TMEM114: variants seen among roughly 807,000 people sequenced by gnomAD.
TMEM114 encodes the protein claudin-26.
Under a neutral mutation model 6.2 loss-of-function variants are expected in TMEM114, and 6 were observed. That is an observed-to-expected ratio of 0.97 (90% confidence interval 0.53 to 1.91). The LOEUF (loss-of-function observed/expected upper bound fraction) is 1.91. Among genes scored for constraint, TMEM114 ranks in the 40% most tolerant of loss-of-function variants. TMEM114 has a pLI of 0.01. For synonymous variants in TMEM114, 104 were observed against 73.0 expected, an observed-to-expected ratio of 1.42 and a Z score of -2.16; for missense variants, 218 against 158.3, an observed-to-expected ratio of 1.38 and a Z score of -2.02.
downstream of TMEM114, among the ~76,000 whole-genome samples, chr16:8,537,407 A>G (rs1900391846): frequency 6.6e-6 from 1 of 152,200 alleles, no homozygotes; most frequent in Non-Finnish European, 1.5e-5. Flanking sequence ...AAGCTGAGGC[A>G]GAAGAATGGC....
In TMEM114 at chr16:8,552,508, GCA is replaced by G. The variant is rs1555462391; in HGVS notation, n.213-14684_213-14683del. The stretch of plus-strand genomic sequence containing the variant: ...ACATAGCAGAAATTTGCACAAAACT[GCA>G]CACACACACACACACACACAAAGAT... On this transcript the variant is annotated intron_variant and non_coding_transcript_variant, in intron 2 of 2. Transcript: ENST00000623677. Among the ~76,000 whole-genome samples the G allele has an allele frequency of 2.9e-3, 427 of 146,538 alleles. 1 individual carries two copies. Among genetic ancestry groups the G allele is most frequent in the East Asian group, 8.9e-3 (44 of 4,930 alleles).
chr16:8,543,312 C>T (rs7200780), intron 2 of TMEM114, among the ~76,000 whole-genome samples: 27,694 of 152,078 alleles, frequency 0.18, 2,754 homozygotes, highest in South Asian at 0.33. Flanking sequence ...CCTTGCCCTG[C>T]CCTGCAGAAC....
chr16:8,560,952 A>T (rs148292250), intron 2 of TMEM114, among the ~76,000 whole-genome samples: 1 of 152,340 alleles, frequency 6.6e-6, no homozygotes, highest in African/African-American at 2.4e-5. Flanking sequence ...AGAAGGCAAA[A>T]GACACGTCTT....
At position 8,554,837 on chromosome 16, in the gene TMEM114, G is replaced by A. The variant is rs117147032; in HGVS notation, n.213-17011C>T. Among the ~76,000 whole-genome samples the A allele has an allele frequency of 1.2e-3, 184 of 152,318 alleles. 5 individuals carry two copies. The South Asian group carries it at 0.036, about 30-fold the overall frequency. On this transcript the variant is annotated intron_variant and non_coding_transcript_variant, in intron 2 of 2. Coordinates refer to the TMEM114 transcript ENST00000623677. ...GAGGGTAGGCACTGATGTTAGTGCTGTCTTAAGGATGAGGAAGTTGAGGGA... is the reference window on the plus strand; with the variant it reads ...GAGGGTAGGCACTGATGTTAGTGCTATCTTAAGGATGAGGAAGTTGAGGGA...
At chr16:8,574,569 CT>C (rs1299089986) in intron 2 of TMEM114, among the ~76,000 whole-genome samples, 49 of 143,240 alleles carry the variant, frequency 3.4e-4, no homozygotes, top group African/African-American at 1.2e-3. Context: ...TTCTTTCTTT[CT>C]TTCCTTCCTT....
At chr16:8,568,083 C>A (rs939981048), downstream of TMEM114, among the ~76,000 whole-genome samples, 1 of 152,186 alleles carries the variant, frequency 6.6e-6, no homozygotes, top group South Asian at 2.1e-4. Flanking sequence ...CTGAAGTTTA[C>A]TCCCAGTTGC....
At chr16:8,545,551 G>A (rs1319481065) in intron 2 of TMEM114, among the ~76,000 whole-genome samples, 1 of 152,106 alleles carries the variant, frequency 6.6e-6, no homozygotes, top group African/African-American at 2.4e-5. Context: ...ATATTCATGT[G>A]TATCAGAACC....
intron 2 of TMEM114, among the ~76,000 whole-genome samples, chr16:8,543,849 T>C (rs751140947): frequency 1.3e-5 from 2 of 152,228 alleles, no homozygotes; most frequent in Non-Finnish European, 2.9e-5. Flanking sequence ...ATATTCTCTA[T>C]AGCTACTAGA....
downstream of TMEM114, among the ~76,000 whole-genome samples, chr16:8,535,620 G>A (rs972716161): frequency 2.6e-5 from 4 of 152,156 alleles, no homozygotes; most frequent in African/African-American, 9.7e-5. Flanking sequence ...AAGGAAAAAG[G>A]ATTTCCAAAC....
At chr16:8,575,627 G>A (rs900463402) in intron 2 of TMEM114, among the ~76,000 whole-genome samples, 4 of 152,146 alleles carry the variant, frequency 2.6e-5, no homozygotes, top group African/African-American at 7.2e-5. Context: ...AGGGTCTGTA[G>A]GCAAGTTACT....
the TMEM114 span, among the ~76,000 whole-genome samples, chr16:8,530,019 C>G: frequency 2.0e-5 from 3 of 152,206 alleles, no homozygotes; most frequent in East Asian, 5.8e-4. Flanking sequence ...ATTTTTTCAG[C>G]TGAACTGAAA....
chr16:8,565,635 C>G (rs746942713), downstream of TMEM114, among the ~76,000 whole-genome samples: 1 of 152,202 alleles, frequency 6.6e-6, no homozygotes, highest in Non-Finnish European at 1.5e-5. Flanking sequence ...TCTTTCTCCT[C>G]TCATCTGGCC....
At chr16:8,552,589 T>C (rs9921593) in intron 2 of TMEM114, among the ~76,000 whole-genome samples, 42,944 of 151,732 alleles carry the variant, frequency 0.28, 6,293 homozygotes, top group East Asian at 0.37. Context: ...AGCTTTGATA[T>C]TGCACTGCAG....
downstream of TMEM114, among the ~76,000 whole-genome samples, chr16:8,568,989 T>G (rs1222752801): frequency 2.0e-5 from 3 of 152,194 alleles, no homozygotes; most frequent in African/African-American, 7.2e-5. Flanking sequence ...TGGAAGCCAC[T>G]TAGAAATGTG....
At position 8,569,800 on chromosome 16, in the gene TMEM114, C is replaced by T; in HGVS notation, c.645G>A (p.Leu215=). 1.3e-6 allele frequency: 2 copies of T among 1,550,788 alleles called. No homozygotes were observed. The highest frequency in any genetic ancestry group is 1.7e-6 in the Non-Finnish European group (2 of 1,146,914). ...ATATGGCCTGGTCCTGCCTCCGTCT[C>T]AGGCTGAGCTCGCGGGCTGCTGCCA... ...AFLAAARELS[L]RRRQDQAI Residue 215 remains leucine, a synonymous_variant, in exon 4 of 4, where the codon CTG becomes CTA. Coordinates refer to ENST00000620492, the MANE Select transcript of TMEM114 (RefSeq NM_001146336.2).
intron 2 of TMEM114, among the ~76,000 whole-genome samples, chr16:8,581,616 G>T (rs936556760): frequency 3.3e-5 from 5 of 152,158 alleles, no homozygotes; most frequent in Non-Finnish European, 7.4e-5. Flanking sequence ...ACCACACCTG[G>T]CTAATTTTTG....
At chr16:8,565,099 G>A (rs941471790), downstream of TMEM114, among the ~76,000 whole-genome samples, 2 of 149,146 alleles carry the variant, frequency 1.3e-5, no homozygotes, top group Non-Finnish European at 3.0e-5. Context: ...ATTAATGACT[G>A]AGTGAATAAG....
chr16:8,566,403 G>C (rs1265613782), downstream of TMEM114, among the ~76,000 whole-genome samples: 1 of 149,304 alleles, frequency 6.7e-6, no homozygotes, highest in African/African-American at 2.5e-5. Context: ...GAATAGAACA[G>C]AACAGGTCAG....
At chr16:8,586,376 C>T (rs192816284) in intron 2 of TMEM114, among the ~76,000 whole-genome samples, 4 of 152,288 alleles carry the variant, frequency 2.6e-5, no homozygotes, top group East Asian at 1.9e-4. Context: ...CTCATTTTGA[C>T]GGATGTGAAC....
Sources: allele counts gnomAD v4.1 joint callset (sites outside exome capture counted in the v4.1 genomes callset), GRCh38; gene constraint gnomAD v4.1.1; transcripts MANE v1.5; gene names NCBI Gene and HGNC (gene_info 2026-07-23, HGNC 2026-07-21).